The following GALC variants were observed in gnomAD, a reference collection of about 807,000 sequenced individuals.
GALC encodes the protein galactocerebrosidase.
A neutral mutation model predicts 91.8 loss-of-function variants in GALC; 77 were observed. The observed-to-expected ratio is 0.84, with a 90% confidence interval of 0.70 to 1.01. The LOEUF (loss-of-function observed/expected upper bound fraction) is 1.01, where lower values mean the gene tolerates loss of function less well. GALC is among the 50% of genes least tolerant of loss of function. The pLI, the probability that GALC is intolerant of heterozygous loss-of-function variation, is 0.00. For missense variants in GALC, 882 were observed against 855.9 expected (o/e 1.03, Z -0.38); for synonymous variants, 357 against 306.7 (o/e 1.16, Z -1.71).
At chr14:87,966,230 G>A (rs149988457) in intron 8 of GALC, among the ~76,000 whole-genome samples, 56 of 152,278 alleles carry the variant, frequency 3.7e-4, no homozygotes, top group East Asian at 7.7e-4. Context: ...GGTCTGGGCC[G>A]TAGTATTGCT....
chr14:87,985,114 C>T (rs1357230555), intron 4 of GALC, among the ~76,000 whole-genome samples: 1 of 152,070 alleles, frequency 6.6e-6, no homozygotes, highest in Non-Finnish European at 1.5e-5. Flanking sequence ...AAGTGATACA[C>T]ATCAAATAAG....
intron 7 of GALC, among the ~76,000 whole-genome samples, chr14:87,969,399 A>G (rs1311282882): frequency 6.6e-6 from 1 of 152,180 alleles, no homozygotes. Context: ...GAGGGGAGTC[A>G]GTTGGTGGAA....
Position 87,993,050 on chromosome 14 carries a change from G to C in GALC, c.115C>G (p.Pro39Ala), listed in dbSNP as rs1013035024. The change falls in exon 1 of 17, where the codon CCC becomes GCC. Residue 39 changes from proline to alanine, a missense_variant. Pro to Ala is a conservative substitution (Grantham distance 27). Coordinates refer to ENST00000261304, the MANE Select transcript of GALC (RefSeq NM_000153.4). The part of the protein sequence containing the change: ...VPLLLCALLA[P>A]GGAYVLDDSD... ...TCGTCGAGCACGTACGCGCCGCCGGGCGCCAGCAGCGCACACAGCAGCAAG... is the reference window on the plus strand; with the variant it reads ...TCGTCGAGCACGTACGCGCCGCCGGCCGCCAGCAGCGCACACAGCAGCAAG... 16 of 1,558,552 alleles carry C rather than the reference G, an allele frequency of 1.0e-5. No homozygotes were observed. Among genetic ancestry groups the C allele is most frequent in the Non-Finnish European group, 1.4e-5 (16 of 1,154,826 alleles).
chr14:87,939,859 C>A, intron 16 of GALC, 46 bp downstream of exon 16: 1 of 1,272,146 alleles, frequency 7.9e-7, no homozygotes, highest in Non-Finnish European at 1.1e-6. Flanking sequence ...TAGAAATGCA[C>A]AACAAAAGAG....
chr14:87,981,907 T>C (rs1407894999), intron 6 of GALC, among the ~76,000 whole-genome samples: 1 of 152,162 alleles, frequency 6.6e-6, no homozygotes, highest in African/African-American at 2.4e-5. Flanking sequence ...GATATAATTG[T>C]TTCATAAAAT....
intron 14 of GALC, 107 bp from the exon 15 acceptor site, chr14:87,941,665 G>A: frequency 4.8e-6 from 4 of 838,620 alleles, no homozygotes; most frequent in Non-Finnish European, 8.2e-6. Flanking sequence ...ATTGAGGTGA[G>A]AATGTGATTT....
chr14:87,948,579 C>T (rs1178305585), intron 12 of GALC, among the ~76,000 whole-genome samples: 2 of 151,868 alleles, frequency 1.3e-5, no homozygotes, highest in Non-Finnish European at 2.9e-5. Context: ...TCTGAAGACA[C>T]TGGAATCCTT....
In GALC at chr14:87,989,657, C is replaced by A. The variant is rs1887114591; in HGVS notation, c.196-1134G>T. The A allele has an allele frequency of 1.3e-5, 2 of 152,332 alleles. 1 individual carries two copies. The highest frequency in any genetic ancestry group is 4.1e-4 in the South Asian group (2 of 4,836). 9.4% of individuals were successfully genotyped at this position (152,332 alleles called of 1,614,324 possible). On this transcript the variant is annotated intron_variant, in intron 1 of 16. Transcript: ENST00000261304. ...ATCCCTCCTCTACTCTTCAACCCCA[C>A]TGACTTACCCAGGCCCTCCTCACTT...
At chr14:87,953,964 G>A in intron 10 of GALC, 2 of 1,609,146 alleles carry the variant, frequency 1.2e-6, no homozygotes, top group Non-Finnish European at 1.7e-6. Flanking sequence ...GAGGACTGCA[G>A]CATTTTGGGC....
intron 8 of GALC, 90 bp from the exon 9 acceptor site, chr14:87,965,719 G>T: frequency 8.3e-7 from 1 of 1,209,076 alleles, no homozygotes; most frequent in Non-Finnish European, 1.2e-6. Context: ...CTTTATCATA[G>T]TAATACACAT....
chr14:87,949,261 G>C (rs1004025354), intron 12 of GALC, among the ~76,000 whole-genome samples: 3 of 152,054 alleles, frequency 2.0e-5, no homozygotes, highest in Non-Finnish European at 4.4e-5. Flanking sequence ...TATGTGAAGA[G>C]AGGCCAGTTT....
At chr14:87,988,609 T>A in intron 1 of GALC, 86 bp from the exon 2 acceptor site, 1 of 958,766 alleles carries the variant, frequency 1.0e-6, no homozygotes, top group Middle Eastern at 2.2e-4. Context: ...CCACCTGGTA[T>A]ACACATATTT....
At chr14:87,988,753 C>T (rs530378553) in intron 1 of GALC, among the ~76,000 whole-genome samples, 1 of 152,294 alleles carries the variant, frequency 6.6e-6, no homozygotes, top group East Asian at 1.9e-4. Context: ...GGCATGAGGG[C>T]TAACTGGGAG....
chr14:87,961,077 A>G (rs182756312), intron 10 of GALC, among the ~76,000 whole-genome samples: 2 of 152,320 alleles, frequency 1.3e-5, no homozygotes, highest in Admixed American at 1.3e-4. Context: ...TCTGATAAGG[A>G]ATTTTTATAT....
intron 1 of GALC, among the ~76,000 whole-genome samples, chr14:87,989,997 T>C (rs1887131776): frequency 6.6e-6 from 1 of 152,180 alleles, no homozygotes; most frequent in African/African-American, 2.4e-5. Flanking sequence ...ACATCCTCTC[T>C]TGGACAACTC....
chr14:87,963,554 T>C (rs1427317658), intron 9 of GALC, 43 bp from the exon 10 acceptor site: 1 of 1,548,518 alleles, frequency 6.5e-7, no homozygotes, highest in South Asian at 1.1e-5. Flanking sequence ...AAAATGGTAA[T>C]AATAGTATTT....
Position 87,968,348 on chromosome 14 carries a change from C to T in GALC, c.895G>A (p.Gly299Ser). Residue 299 changes from glycine to serine, a missense_variant, in exon 8 of 17, where the codon GGC (glycine) becomes AGC (serine). Coordinates refer to ENST00000261304, the MANE Select transcript of GALC (RefSeq NM_000153.4). Reference protein sequence around the residue: ...GRILNQNYINGYMTSTIAWNL... With the variant: ...GRILNQNYINSYMTSTIAWNL... ...TTAATAACTTACGAAGTCATATAGC[C>T]ATTGATATAATTCTGATTTAAAATG... is the stretch of plus-strand genomic sequence containing the variant. The T allele has an allele frequency of 6.2e-7, 1 of 1,612,532 alleles. No homozygotes were observed. The highest frequency in any genetic ancestry group is 8.5e-7 in the Non-Finnish European group (1 of 1,179,208).
intron 10 of GALC, 53 bp from the exon 11 acceptor site, chr14:87,950,801 G>A (rs1885274102): frequency 1.7e-6 from 2 of 1,200,598 alleles, no homozygotes; most frequent in Non-Finnish European, 2.5e-6. Context: ...GCTACCTTAG[G>A]GGAAAAAAAG....
chr14:87,971,681 T>C (rs1475568802), intron 7 of GALC, among the ~76,000 whole-genome samples: 2 of 152,240 alleles, frequency 1.3e-5, no homozygotes, highest in Non-Finnish European at 2.9e-5. Context: ...AATATTTTTA[T>C]ATTCAATTTT....
Sources: gnomAD v4.1 joint callset for allele counts (sites outside exome capture counted in the v4.1 genomes callset) on GRCh38, gnomAD v4.1.1 for gene constraint, MANE v1.5 for transcripts, NCBI Gene and HGNC (gene_info 2026-07-23, HGNC 2026-07-21) for gene names.